Variants in JAG2 observed in about 807,000 individuals in gnomAD.
JAG2 encodes the protein protein jagged-2.
In JAG2, 46 loss-of-function variants were observed where a neutral mutation model predicts 141.7. The observed-to-expected ratio is 0.32, with a 90% CI of 0.26 to 0.42. The LOEUF (loss-of-function observed/expected upper bound fraction) is 0.42. Ranked by LOEUF, JAG2 falls within the 10% of genes least tolerant of loss-of-function variation. The pLI is 1.00. For missense variants in JAG2, 1,500 were observed against 1,817.5 expected (o/e 0.83, Z 3.18); for synonymous variants, 862 against 763.5 (o/e 1.13, Z -2.13).
Position 105,167,908 on chromosome 14 carries a change from C to G in JAG2, c.266G>C (p.Ser89Thr), listed in dbSNP as rs1203302825. 6.3e-7 allele frequency: 1 copy of G among 1,594,460 alleles called. No homozygotes were observed. The highest frequency in any genetic ancestry group is 8.5e-7 in the Non-Finnish European group (1 of 1,174,424). The change falls in exon 2 of 26, where the codon AGC becomes ACC. Residue 89 changes from serine (S) to threonine (T), a missense_variant. Ser to Thr is a moderately conservative substitution (Grantham distance 58, BLOSUM62 1). This residue lies in a region of JAG2 where 200 missense variants were observed against 174.3 expected (regional missense o/e 1.15). Transcript: ENST00000331782. This position sits in a 1 kb window ranked among gnomAD's most constrained non-coding sequence, Gnocchi z 4.8. ...CACGGGCGTGGCGCCGTGGCCGTAG[C>G]TGCAGGGCCCCGTGGGCGTCACCTT... is the stretch of plus-strand genomic sequence containing the variant. ...QAKVTPTGPC[S>T]YGHGATPVLG...
At chr14:105,156,037 CA>C (rs1449582558) in intron 3 of JAG2, 48 bp from the exon 4 acceptor site, 1 of 1,590,956 alleles carries the variant, frequency 6.3e-7, no homozygotes, top group South Asian at 1.1e-5. Flanking sequence ...CCAGCCCGGC[CA>C]GGGGTCCTCC....
In JAG2 at chr14:105,167,992, C is replaced by G. The variant is rs149962192; in HGVS notation, c.182G>C (p.Gly61Ala). 28 of 1,601,546 alleles carry G rather than the reference C, an allele frequency of 1.7e-5. No individual in the cohort carries two copies. Among genetic ancestry groups the G allele is most frequent in the Non-Finnish European group, 2.0e-5 (24 of 1,177,462 alleles). The part of the protein sequence containing the change: ...DGDGRTTRAG[G>A]CGHDECDTYV... ...CGTGTCGCACTCGTCGTGGCCGCAG[C>G]CCCCCGCGCGCGTTGTCCGGCCGTC... is the stretch of plus-strand genomic sequence containing the variant. Residue 61 changes from glycine to alanine, a missense_variant, in exon 2 of 26, where the codon GGC becomes GCC. Gly to Ala is a moderately conservative substitution (Grantham distance 60). Transcript: ENST00000331782. This position sits in a 1 kb window ranked among gnomAD's most constrained non-coding sequence, Gnocchi z 4.8.
At chr14:105,143,428 A>C in intron 25 of JAG2, 54 bp downstream of exon 25, 1 of 1,530,448 alleles carries the variant, frequency 6.5e-7, no homozygotes. Flanking sequence ...CTCTGTGCCC[A>C]ATGCCTGAGT....
intron 20 of JAG2, chr14:105,147,104 A>C: frequency 1.6e-6 from 1 of 623,220 alleles, no homozygotes. Flanking sequence ...TGGGCCCCGG[A>C]CTGGTCCCCC....
chr14:105,155,640 C>G lies in JAG2; in HGVS notation c.728-18G>C, dbSNP rs760954215. 3.0e-5 allele frequency: 49 copies of G among 1,612,452 alleles called. No homozygotes were observed. Among genetic ancestry groups the G allele is most frequent in the Non-Finnish European group, 4.0e-5 (47 of 1,179,868 alleles). On this transcript the variant is annotated intron_variant, in intron 4 of 25. Coordinates refer to ENST00000331782, the MANE Select transcript of JAG2 (RefSeq NM_002226.5). ...ACACACAGCTGCGAACAGAGAGGAG[C>G]GAGAGGCACAGCTGCAGCCAGCCTG...
intron 2 of JAG2, among the ~76,000 whole-genome samples, chr14:105,161,510 G>C (rs1203766458): frequency 6.6e-6 from 1 of 152,156 alleles, no homozygotes; most frequent in East Asian, 1.9e-4. Flanking sequence ...CCTGAGCCCA[G>C]GGCTCCGGTT....
chr14:105,147,137 C>T (rs1326085393), intron 20 of JAG2, 189 bp downstream of exon 20: 3 of 641,232 alleles, frequency 4.7e-6, no homozygotes, highest in Non-Finnish European at 8.4e-6. Context: ...CCCACTTAAT[C>T]ACTTGGCAGG....
chr14:105,147,126 C>G (rs1231584339), intron 20 of JAG2, 200 bp downstream of exon 20: 1 of 634,552 alleles, frequency 1.6e-6, no homozygotes, highest in African/African-American at 1.8e-5. Flanking sequence ...GGCTGGGGCT[C>G]CCCACTTAAT....
In JAG2 at chr14:105,147,505, C is replaced by T. The variant is rs147568092; in HGVS notation, c.2388G>A (p.Leu796=). 1.2e-6 allele frequency: 2 copies of T among 1,612,314 alleles called. No individual in the cohort carries two copies. Among genetic ancestry groups the T allele is most frequent in the South Asian group, 1.1e-5 (1 of 91,066 alleles). The change falls in exon 19 of 26, where the codon CTG becomes CTA. Residue 796 remains leucine, a synonymous_variant. Transcript: ENST00000331782. ...GCCCCCAGGGTGCCACTCACCAAGG[C>T]AGAGGGTTGCAGTCGTTGGTATCTG... ...CTHNTNDCNP[L]PCYNGGICVD... is the part of the protein sequence containing the mutation.
chr14:105,163,203 A>T (rs1011935594), intron 2 of JAG2, among the ~76,000 whole-genome samples: 1 of 152,162 alleles, frequency 6.6e-6, no homozygotes, highest in African/African-American at 2.4e-5. Context: ...CTGAAACCTG[A>T]GCTTCTGAGA....
Position 105,148,318 on chromosome 14 carries a change from A to G in JAG2, c.2134+8T>C. Reference sequence around the variant, plus strand: ...AGCCCCAGGCGGCCAGGGCCTGCGGACACTCACGTGAGTGGCAGGTCTTGC... The same window carrying G: ...AGCCCCAGGCGGCCAGGGCCTGCGGGCACTCACGTGAGTGGCAGGTCTTGC... On this transcript the variant is annotated splice_region_variant and intron_variant, in intron 16 of 25. Transcript: ENST00000331782. 1 of 1,607,012 alleles carries G rather than the reference A, an allele frequency of 6.2e-7. No individual in the cohort carries two copies. Among genetic ancestry groups the G allele is most frequent in the Non-Finnish European group, 8.5e-7 (1 of 1,176,140 alleles).
rs587724731 is a variant in JAG2, at chr14:105,155,831, G to A, written c.634C>T (p.Arg212Trp). The change falls in exon 4 of 26, where the codon CGG becomes TGG. Residue 212 changes from arginine to tryptophan, a missense_variant. By Grantham distance (101) the Arg-to-Trp change is moderately radical. Around this residue, in one of 3 missense-constraint regions of JAG2, gnomAD observed 875 missense variants for 1,202.2 expected, o/e 0.73. Transcript: ENST00000331782. The stretch of plus-strand genomic sequence containing the variant: ...TGGCCGAAAAAGTCGTTGCGGGGCC[G>A]GCAGAACTTGTTGCAAGTGGCGCTG... ...YYSATCNKFCRPRNDFFGHYT... is the reference protein window; with the variant it reads ...YYSATCNKFCWPRNDFFGHYT... 3.1e-6 allele frequency: 5 copies of A among 1,612,562 alleles called. No homozygotes were observed. The highest frequency in any genetic ancestry group is 1.1e-5 in the South Asian group (1 of 91,010).
rs1197962279 is a variant in JAG2, at chr14:105,142,767, C to G, written c.3645G>C (p.Trp1215Cys). The G allele has an allele frequency of 2.5e-6, 4 of 1,610,600 alleles. No individual in the cohort carries two copies. In the Admixed American group the frequency reaches 6.7e-5, roughly 27 times the overall value. ...PGRSPGRPAH[W>C]ASGPKVDNRA... is the part of the protein sequence containing the mutation. Reference sequence around the variant, plus strand: ...GGTTGTCCACTTTGGGGCCTGAGGCCCAGTGGGCCGGCCTCCCCGGCGAGC... The same window carrying G: ...GGTTGTCCACTTTGGGGCCTGAGGCGCAGTGGGCCGGCCTCCCCGGCGAGC... Residue 1215 changes from tryptophan (W) to cysteine (C), a missense_variant, in exon 26 of 26, where the codon TGG becomes TGC. This residue lies in a region of JAG2 where 425 missense variants were observed against 441.0 expected (regional missense o/e 0.96). Transcript: ENST00000331782.
intron 18 of JAG2, 96 bp downstream of exon 18, chr14:105,147,676 G>A: frequency 4.7e-6 from 5 of 1,074,390 alleles, no homozygotes; most frequent in Admixed American, 2.0e-5. Context: ...GCAGCAGGGG[G>A]AGGGGCTGGC....
rs587604591 is a variant in JAG2, at chr14:105,148,039, C to T, written c.2248+77G>A. 136 of 1,283,846 alleles carry T rather than the reference C, an allele frequency of 1.1e-4. No homozygotes were observed. The African/African-American group carries it at 1.3e-3, about 12-fold the overall frequency. 79.5% of individuals were successfully genotyped at this position (1,283,846 alleles called of 1,614,324 possible). A position where few individuals can be genotyped will look rare whatever the true frequency, so the allele number is the denominator to read the frequency against. On this transcript the variant is annotated intron_variant, in intron 17 of 25. Coordinates refer to ENST00000331782, the MANE Select transcript of JAG2 (RefSeq NM_002226.5). ...GGTGTGGCCCTCAAAAAAGACCCCT[C>T]GGCCCATCGCGCCCGAGGGAGCGGT...
chr14:105,149,309 G>C lies in JAG2; in HGVS notation c.1614C>G (p.Asp538Glu). 1 of 1,612,664 alleles carries C rather than the reference G, an allele frequency of 6.2e-7. No individual in the cohort carries two copies. The change falls in exon 13 of 26, where the codon GAC (aspartate) becomes GAG (glutamate). Residue 538 changes from aspartate to glutamate, a missense_variant. Coordinates refer to ENST00000331782, the MANE Select transcript of JAG2 (RefSeq NM_002226.5). ...TCCGGCAGGGGCTTGGCTCACAAAG[G>C]TCGACATCCACCTGCAGGGTGGGGG... is the stretch of plus-strand genomic sequence containing the variant. ...FSGPLCEVDVDLCEPSPCRNG... is the reference protein window; with the variant it reads ...FSGPLCEVDVELCEPSPCRNG...
chr14:105,159,395 C>T (rs941729810), intron 2 of JAG2, among the ~76,000 whole-genome samples: 2 of 151,930 alleles, frequency 1.3e-5, no homozygotes, highest in Non-Finnish European at 2.9e-5. Context: ...CTCTTAAGCT[C>T]CCCTTAAACC....
At chr14:105,143,424 G>A (rs1342327356) in intron 25 of JAG2, 58 bp downstream of exon 25, 1 of 1,524,942 alleles carries the variant, frequency 6.6e-7, no homozygotes, top group Non-Finnish European at 8.8e-7. Flanking sequence ...CCGGCTCTGT[G>A]CCCAATGCCT....
At position 105,151,976 on chromosome 14, in the gene JAG2, G is replaced by C. The variant is rs1289580698; in HGVS notation, c.1001C>G (p.Thr334Ser). 3.1e-6 allele frequency: 5 copies of C among 1,613,262 alleles called. No individual in the cohort carries two copies. In the African/African-American group the frequency reaches 6.7e-5, roughly 22 times the overall value. The change falls in exon 7 of 26, where the codon ACC (threonine) becomes AGC (serine). Residue 334 changes from threonine to serine, a missense_variant. Transcript: ENST00000331782. ...CCTGCCCGAGTAGCCGTCAGGGCAGGTGCAGCGGTACTGGTCAGGCTCGGC... is the reference window on the plus strand; with the variant it reads ...CCTGCCCGAGTAGCCGTCAGGGCAGCTGCAGCGGTACTGGTCAGGCTCGGC... ...INAEPDQYRC[T>S]CPDGYSGRNC... is the part of the protein sequence containing the mutation.
Sources: gnomAD v4.1 joint callset for allele counts (sites outside exome capture counted in the v4.1 genomes callset) on GRCh38, gnomAD v4.1.1 for gene constraint, gnomAD v4.1.1 regional missense constraint, Gnocchi (gnomAD v3.1) non-coding constraint, MANE v1.5 for transcripts, NCBI Gene and HGNC (gene_info 2026-07-23, HGNC 2026-07-21) for gene names.